GATAD2B: variants seen among roughly 807,000 people sequenced by gnomAD.
GATAD2B encodes transcriptional repressor p66-beta.
A neutral mutation model predicts 64.3 loss-of-function variants in GATAD2B; 8 were observed. The observed-to-expected ratio is 0.12, with a 90% CI of 0.07 to 0.22. GATAD2B has a LOEUF of 0.22. Ranked by LOEUF, GATAD2B falls within the 10% of genes least tolerant of loss-of-function variation. The pLI is 1.00. For missense variants in GATAD2B, 453 were observed against 752.0 expected (o/e 0.60, Z 4.65); for synonymous variants, 281 against 271.3 (o/e 1.04, Z -0.35).
intron 1 of GATAD2B, among the ~76,000 whole-genome samples, chr1:153,893,484 C>T (rs1017075712): frequency 2.6e-5 from 4 of 151,930 alleles, no homozygotes; most frequent in Non-Finnish European, 2.9e-5. Context: ...TGGCACATGC[C>T]TGTAGTCCCA....
At chr1:153,832,828 C>CA (rs1326145199) in intron 1 of GATAD2B, among the ~76,000 whole-genome samples, 4 of 152,098 alleles carry the variant, frequency 2.6e-5, no homozygotes, top group African/African-American at 9.7e-5. Context: ...TTGGAGTACT[C>CA]AGTGTCTACT....
intron 1 of GATAD2B, among the ~76,000 whole-genome samples, chr1:153,921,570 TC>T (rs1014219769): frequency 6.6e-6 from 1 of 151,302 alleles, no homozygotes; most frequent in African/African-American, 2.4e-5. Flanking sequence ...GTATTAAGTA[TC>T]CCCCCATCTC....
chr1:153,864,735 T>C (rs1676421113), intron 1 of GATAD2B, among the ~76,000 whole-genome samples: 1 of 152,166 alleles, frequency 6.6e-6, no homozygotes, highest in Admixed American at 6.6e-5. Context: ...ATGAAGTCCA[T>C]ATTATACCCA....
intron 1 of GATAD2B, among the ~76,000 whole-genome samples, chr1:153,888,620 T>C (rs1246789811): frequency 1.3e-5 from 2 of 152,242 alleles, no homozygotes; most frequent in African/African-American, 4.8e-5. Flanking sequence ...AACATCTAAA[T>C]GTGCTAACAA....
chr1:153,831,124 T>C (rs1048961965), intron 1 of GATAD2B, among the ~76,000 whole-genome samples: 5 of 152,160 alleles, frequency 3.3e-5, no homozygotes, highest in Non-Finnish European at 5.9e-5. Context: ...CTTAATTCCC[T>C]CCCTTTTTAA....
At chr1:153,894,037 G>A (rs1048543089) in intron 1 of GATAD2B, among the ~76,000 whole-genome samples, 1 of 147,422 alleles carries the variant, frequency 6.8e-6, no homozygotes, top group Admixed American at 6.8e-5. Flanking sequence ...CCACCAACAT[G>A]ACTTTATCTT....
chr1:153,840,669 G>C (rs1318398351), intron 1 of GATAD2B, among the ~76,000 whole-genome samples: 1 of 152,102 alleles, frequency 6.6e-6, no homozygotes, highest in African/African-American at 2.4e-5. Context: ...ACTTTCATAA[G>C]TTCTAGTTTA....
chr1:153,855,124 A>G (rs1227630323), intron 1 of GATAD2B, among the ~76,000 whole-genome samples: 2 of 152,220 alleles, frequency 1.3e-5, no homozygotes, highest in African/African-American at 4.8e-5. Context: ...AAATAATATT[A>G]GGGAATTATT....
At chr1:153,907,545 G>A (rs1342998699) in intron 1 of GATAD2B, among the ~76,000 whole-genome samples, 1 of 152,156 alleles carries the variant, frequency 6.6e-6, no homozygotes, top group Non-Finnish European at 1.5e-5. Context: ...TTCAGTTTGG[G>A]AAGATGAAGA....
chr1:153,899,912 A>G (rs1677716111), intron 1 of GATAD2B, among the ~76,000 whole-genome samples: 1 of 152,204 alleles, frequency 6.6e-6, no homozygotes, highest in African/African-American at 2.4e-5. Flanking sequence ...ACTTTTACCT[A>G]CAAATATACT....
intron 1 of GATAD2B, among the ~76,000 whole-genome samples, chr1:153,833,644 G>A (rs1001271062): frequency 6.6e-6 from 1 of 151,802 alleles, no homozygotes; most frequent in Non-Finnish European, 1.5e-5. Flanking sequence ...GTGAAACCCC[G>A]TCTCTACTAA....
intron 2 of GATAD2B, among the ~76,000 whole-genome samples, chr1:153,820,821 G>A (rs1376839921): frequency 6.6e-6 from 1 of 151,848 alleles, no homozygotes; most frequent in Non-Finnish European, 1.5e-5. Flanking sequence ...GTAGAGACAG[G>A]GTCTTACTAT....
chr1:153,850,914 C>G (rs1675870777), intron 1 of GATAD2B, among the ~76,000 whole-genome samples: 1 of 151,006 alleles, frequency 6.6e-6, no homozygotes, highest in Admixed American at 6.6e-5. Flanking sequence ...GAGCAAGACT[C>G]CACCTCAAAA....
chr1:153,910,843 G>A (rs1028289623), intron 1 of GATAD2B, among the ~76,000 whole-genome samples: 1 of 152,126 alleles, frequency 6.6e-6, no homozygotes. Flanking sequence ...CACATTTAAG[G>A]TAAGCTAGGC....
rs1213080533 is a variant in GATAD2B at position 153,827,993 on chromosome 1, G to T, written c.335+20C>A. The T allele has an allele frequency of 2.5e-6, 4 of 1,578,132 alleles. No individual in the cohort carries two copies. The South Asian group carries it at 3.3e-5, about 13-fold the overall frequency. On this transcript the variant is annotated intron_variant, in intron 2 of 10. Transcript: ENST00000368655. ...TTATGAGACGACCCTATCCCTGGAGGCAGCTGAACTGAGCCATACCTCCGT... is the reference window on the plus strand; with the variant it reads ...TTATGAGACGACCCTATCCCTGGAGTCAGCTGAACTGAGCCATACCTCCGT...
In GATAD2B at chr1:153,828,439, ATCTC is replaced by A. The variant is rs144113171; in HGVS notation, c.-1-95_-1-92del. ...TGGAATGGTGAAGTTATTAACAAGA[ATCTC>A]TCTCTCACACATACACACACACACA... is the stretch of plus-strand genomic sequence containing the variant. On this transcript the variant is annotated intron_variant, in intron 1 of 10. Coordinates refer to ENST00000368655, the MANE Select transcript of GATAD2B (RefSeq NM_020699.4). The A allele has an allele frequency of 6.9e-5, 56 of 807,726 alleles. No homozygotes were observed. In the East Asian group the frequency reaches 1.1e-3, roughly 16 times the overall value. The allele number at this position is 807,726 out of a possible 1,614,324, so 50.0% of individuals were successfully genotyped here. A position where few individuals can be genotyped will look rare whatever the true frequency, so the allele number is the denominator to read the frequency against.
Position 153,813,385 on chromosome 1 carries a change from G to A in GATAD2B, c.1284C>T (p.Thr428=), listed in dbSNP as rs766045198. 3.1e-6 allele frequency: 5 copies of A among 1,613,980 alleles called. No individual in the cohort carries two copies. The highest frequency in any genetic ancestry group is 4.2e-6 in the Non-Finnish European group (5 of 1,179,888). ...CATTCTTTTCTTGCTTCCAGTGAGG[G>A]GTGAAATCTGTGCGGCACTGGGCAC... The part of the protein sequence containing the change: ...FVCAQCRTDF[T]PHWKQEKNGK... The change falls in exon 8 of 11, where the codon ACC becomes ACT. Residue 428 remains threonine, a synonymous_variant. Transcript: ENST00000368655.
intron 1 of GATAD2B, among the ~76,000 whole-genome samples, chr1:153,905,454 C>T (rs1303601159): frequency 1.4e-5 from 2 of 147,764 alleles, no homozygotes; most frequent in Non-Finnish European, 3.0e-5. Context: ...GAATCCCATT[C>T]AGATTTTTAG....
intron 1 of GATAD2B, chr1:153,889,631 A>G (rs1677305535): frequency 1.7e-6 from 1 of 589,234 alleles, no homozygotes; most frequent in Non-Finnish European, 2.1e-6. Flanking sequence ...ACAGCTGGCA[A>G]GAGGAAAGTT....
Sources: allele counts gnomAD v4.1 joint callset (sites outside exome capture counted in the v4.1 genomes callset), GRCh38; gene constraint gnomAD v4.1.1; transcripts MANE v1.5; gene names NCBI Gene and HGNC (gene_info 2026-07-23, HGNC 2026-07-21).